The following TENM3 variants were observed in gnomAD, a reference collection of about 807,000 sequenced individuals.
TENM3 encodes teneurin transmembrane protein 3, also known as teneurin-3.
Under a neutral mutation model 255.1 loss-of-function variants are expected in TENM3, and 63 were observed. That is an observed-to-expected ratio of 0.25 (90% CI 0.20 to 0.30). The LOEUF (loss-of-function observed/expected upper bound fraction) is 0.30, where lower values mean the gene tolerates loss of function less well. Among genes scored for constraint, TENM3 ranks in the 10% least tolerant of loss-of-function variants. The pLI is 1.00. For synonymous variants in TENM3, 1,306 were observed against 1,322.3 expected, an observed-to-expected ratio of 0.99 and a Z score of 0.27; for missense variants, 2,929 against 3,461.1, an observed-to-expected ratio of 0.85 and a Z score of 3.86.
At chr4:182,174,470 T>C (rs1163266878) in intron 1 of TENM3, among the ~76,000 whole-genome samples, 1 of 148,082 alleles carries the variant, frequency 6.8e-6, no homozygotes, top group African/African-American at 2.5e-5. Context: ...TTCTTCTGAT[T>C]TCATCTAAGG....
chr4:181,920,297 AG>A, the TENM3 span, among the ~76,000 whole-genome samples: 1 of 152,018 alleles, frequency 6.6e-6, no homozygotes, highest in Non-Finnish European at 1.5e-5. Context: ...TAGATCCCTG[AG>A]GAATCGCCAC....
intron 12 of TENM3, among the ~76,000 whole-genome samples, chr4:182,713,070 A>T (rs911976704): frequency 3.3e-5 from 5 of 152,230 alleles, no homozygotes; most frequent in African/African-American, 9.6e-5. Context: ...TTTTTTTTAA[A>T]TGTCATGTTA....
the TENM3 span, among the ~76,000 whole-genome samples, chr4:181,474,295 C>T: frequency 2.6e-3 from 395 of 151,894 alleles, 2 homozygotes; most frequent in African/African-American, 9.2e-3. Flanking sequence ...GCACATGTAC[C>T]CCCCAGAACT....
the TENM3 span, among the ~76,000 whole-genome samples, chr4:181,668,866 T>C: frequency 6.6e-6 from 1 of 152,194 alleles, no homozygotes; most frequent in Non-Finnish European, 1.5e-5. Flanking sequence ...AAACGTCAAC[T>C]TTCATAATAT....
At position 182,200,741 on chromosome 4, in the gene TENM3, T is replaced by C. The variant is rs557107534; in HGVS notation, c.-76+55987T>C. On this transcript the variant is annotated intron_variant, in intron 1 of 2. Transcript: ENST00000512480. ...TGTTCCTTTCAGTATCCTGAATTCA[T>C]AGGGTGATGTCAATTGCTATGAAAT... is the stretch of plus-strand genomic sequence containing the variant. 2.6e-5 allele frequency among the ~76,000 whole-genome samples: 4 copies of C among 151,848 alleles called. No individual in the cohort carries two copies. The East Asian group carries it at 7.8e-4, about 29-fold the overall frequency.
the TENM3 span, among the ~76,000 whole-genome samples, chr4:181,825,092 G>T: frequency 1.3e-5 from 2 of 152,126 alleles, no homozygotes; most frequent in Admixed American, 6.5e-5. Context: ...TAGTCCTACT[G>T]GCACTAAAAA....
At chr4:182,731,957 A>G (rs1000601082) in intron 16 of TENM3, among the ~76,000 whole-genome samples, 5 of 151,514 alleles carry the variant, frequency 3.3e-5, no homozygotes, top group Admixed American at 6.6e-5. Flanking sequence ...AATTTTTTGT[A>G]TTTTTAGTAG....
intron 3 of TENM3, among the ~76,000 whole-genome samples, chr4:182,370,355 C>T (rs931586486): frequency 6.6e-6 from 1 of 152,142 alleles, no homozygotes; most frequent in Non-Finnish European, 1.5e-5. Flanking sequence ...CATACCCTAT[C>T]GCCTACAGAG....
chr4:182,550,459 A>G (rs1190984734), intron 3 of TENM3, among the ~76,000 whole-genome samples: 4 of 152,174 alleles, frequency 2.6e-5, no homozygotes. Flanking sequence ...CTGCTCTAAT[A>G]AATCTGTGAC....
chr4:181,870,722 T>A, the TENM3 span, among the ~76,000 whole-genome samples: 1 of 152,152 alleles, frequency 6.6e-6, no homozygotes, highest in African/African-American at 2.4e-5. Flanking sequence ...TTTGTCAGAT[T>A]TTATGTACTA....
At chr4:181,917,166 A>G in the TENM3 span, among the ~76,000 whole-genome samples, 1 of 152,164 alleles carries the variant, frequency 6.6e-6, no homozygotes. Context: ...AAGCAAGCAA[A>G]GGTCCCAACA....
intron 3 of TENM3, among the ~76,000 whole-genome samples, chr4:182,569,769 C>T (rs1247618537): frequency 6.6e-6 from 1 of 152,058 alleles, no homozygotes; most frequent in African/African-American, 2.4e-5. Context: ...CACAGTGGAA[C>T]CAGGCAACAT....
intron 22 of TENM3, among the ~76,000 whole-genome samples, chr4:182,767,411 G>A (rs961226598): frequency 2.6e-5 from 4 of 152,144 alleles, no homozygotes; most frequent in African/African-American, 9.7e-5. Context: ...CAGATACGAG[G>A]CTGTTACAAA....
At chr4:182,680,445 G>GT in intron 9 of TENM3, 96 bp downstream of exon 9, 4 of 1,407,860 alleles carry the variant, frequency 2.8e-6, no homozygotes, top group Non-Finnish European at 4.0e-6. Flanking sequence ...AAAGGGGGGG[G>GT]GAGACTGGCA....
At chr4:181,752,231 T>C in the TENM3 span, among the ~76,000 whole-genome samples, 1 of 152,138 alleles carries the variant, frequency 6.6e-6, no homozygotes, top group South Asian at 2.1e-4. Flanking sequence ...ATAACGTAAG[T>C]TGTTGAAATT....
chr4:181,710,787 T>C, the TENM3 span, among the ~76,000 whole-genome samples: 113 of 150,996 alleles, frequency 7.5e-4, no homozygotes, highest in African/African-American at 2.6e-3. Context: ...TGGCTCAAGC[T>C]ATCCTCCCGC....
intron 3 of TENM3, among the ~76,000 whole-genome samples, chr4:182,412,861 T>C (rs909684287): frequency 5.5e-5 from 8 of 144,168 alleles, no homozygotes; most frequent in Non-Finnish European, 3.0e-5. Flanking sequence ...TGAGACTCTG[T>C]CTCAAAAAAA....
At chr4:182,297,832 G>A (rs1317920238) in intron 1 of TENM3, among the ~76,000 whole-genome samples, 1 of 152,198 alleles carries the variant, frequency 6.6e-6, no homozygotes, top group African/African-American at 2.4e-5. Context: ...TCTGTCCCAG[G>A]CCTGGGCCTC....
chr4:182,547,770 A>G (rs979963231), intron 3 of TENM3, among the ~76,000 whole-genome samples: 3 of 152,180 alleles, frequency 2.0e-5, no homozygotes, highest in Non-Finnish European at 2.9e-5. Flanking sequence ...CCAAAATCAT[A>G]TTTTAAACTT....
Sources: allele counts gnomAD v4.1 joint callset (sites outside exome capture counted in the v4.1 genomes callset), GRCh38; gene constraint gnomAD v4.1.1; transcripts MANE v1.5; gene names NCBI Gene and HGNC (gene_info 2026-07-23, HGNC 2026-07-21).